The following IFT74 variants were observed in gnomAD, a reference collection of about 807,000 sequenced individuals.
IFT74 encodes the protein intraflagellar transport 74, also known as intraflagellar transport protein 74 homolog.
In IFT74, 92 loss-of-function variants were observed where a neutral mutation model predicts 96.7. The observed-to-expected ratio is 0.95, with a 90% CI of 0.80 to 1.13. The LOEUF (loss-of-function observed/expected upper bound fraction) is 1.13. Among genes scored for constraint, IFT74 ranks in the 50% most tolerant of loss-of-function variants. The pLI, the probability that IFT74 is intolerant of heterozygous loss-of-function variation, is 0.00. For missense variants in IFT74, 811 were observed against 698.2 expected, an observed-to-expected ratio of 1.16 and a Z score of -1.82; for synonymous variants, 223 against 213.2, an observed-to-expected ratio of 1.05 and a Z score of -0.40.
chr9:26,989,602 CT>C (rs1363505752), intron 7 of IFT74, among the ~76,000 whole-genome samples: 1 of 152,020 alleles, frequency 6.6e-6, no homozygotes, highest in Non-Finnish European at 1.5e-5. Context: ...TTACTTTTAG[CT>C]TTAGAACACA....
In IFT74 at chr9:26,998,212, AT is replaced by A. The variant is rs575764239; in HGVS notation, c.587+8024del. On this transcript the variant is annotated intron_variant, in intron 8 of 19. Coordinates refer to ENST00000380062, the MANE Select transcript of IFT74 (RefSeq NM_025103.4). ...TGATATCTGCTGGAATCAAGGTATA[AT>A]TTTTTTCAGTAAAATTACATTGGAC... 1,968 of 1,500,720 alleles carry A rather than the reference AT, an allele frequency of 1.3e-3. 4 individuals are homozygous for A. The highest frequency in any genetic ancestry group is 1.5e-3 in the Non-Finnish European group (1,693 of 1,117,506). The allele number at this position is 1,500,720 out of a possible 1,614,324, so 93.0% of individuals were successfully genotyped here.
chr9:27,008,425 T>C (rs1002098577), intron 8 of IFT74, among the ~76,000 whole-genome samples: 1 of 152,012 alleles, frequency 6.6e-6, no homozygotes, highest in African/African-American at 2.4e-5. Flanking sequence ...TGGCGCGATC[T>C]CAGCCCACTG....
chr9:27,042,850 A>G (rs1243648658), intron 13 of IFT74, among the ~76,000 whole-genome samples: 1 of 152,152 alleles, frequency 6.6e-6, no homozygotes, highest in Non-Finnish European at 1.5e-5. Context: ...ATTTATATGC[A>G]CATCTTCCTC....
intron 13 of IFT74, among the ~76,000 whole-genome samples, chr9:27,034,818 C>T (rs1346573878): frequency 6.6e-6 from 1 of 152,230 alleles, no homozygotes; most frequent in Non-Finnish European, 1.5e-5. Context: ...GCGTGAGCCA[C>T]CACGCCTGGC....
At chr9:27,004,703 A>AT (rs1167531796) in intron 8 of IFT74, among the ~76,000 whole-genome samples, 5 of 152,168 alleles carry the variant, frequency 3.3e-5, no homozygotes, top group South Asian at 2.1e-4. Flanking sequence ...TCTAATTTGG[A>AT]TTTTTTTTGA....
chr9:26,948,794 A>G (rs575845862), intron 1 of IFT74, among the ~76,000 whole-genome samples: 165 of 152,146 alleles, frequency 1.1e-3, no homozygotes, highest in African/African-American at 3.8e-3. Context: ...AGCATTACAT[A>G]GGGCCTTTCA....
Position 26,992,008 on chromosome 9 carries a change from G to A in IFT74, c.587+1813G>A, listed in dbSNP as rs1004368484. On this transcript the variant is annotated intron_variant, in intron 8 of 19. Transcript: ENST00000380062. ...CGCGCCATCGTGCCACTGCACTCCA[G>A]CCTGGTGACAGAGCGAGACTCCGTC... is the stretch of plus-strand genomic sequence containing the variant. Among the ~76,000 whole-genome samples the A allele has an allele frequency of 2.6e-5, 4 of 151,564 alleles. No homozygotes were observed. The South Asian group carries it at 6.2e-4, about 24-fold the overall frequency.
At chr9:27,025,381 T>TGCA (rs992029734) in intron 12 of IFT74, among the ~76,000 whole-genome samples, 3 of 145,458 alleles carry the variant, frequency 2.1e-5, no homozygotes, top group African/African-American at 7.7e-5. Context: ...AGGTGGAGGT[T>TGCA]GCAGTGAGCT....
At chr9:27,052,376 T>G (rs961290480) in intron 16 of IFT74, among the ~76,000 whole-genome samples, 7 of 151,830 alleles carry the variant, frequency 4.6e-5, no homozygotes, top group Admixed American at 4.6e-4. Context: ...TGTGTGGTGG[T>G]GCAAGCCTGT....
intron 13 of IFT74, among the ~76,000 whole-genome samples, chr9:27,038,877 T>A (rs1819336627): frequency 6.6e-6 from 1 of 152,188 alleles, no homozygotes; most frequent in African/African-American, 2.4e-5. Flanking sequence ...GCAACATGCC[T>A]ACAAGCACTG....
chr9:27,035,683 G>A (rs1027189446), intron 13 of IFT74, among the ~76,000 whole-genome samples: 2 of 152,112 alleles, frequency 1.3e-5, no homozygotes, highest in African/African-American at 4.8e-5. Flanking sequence ...TATACTGTAT[G>A]ATTTTATATA....
At chr9:26,963,688 C>T (rs12002668) in intron 2 of IFT74, among the ~76,000 whole-genome samples, 12,767 of 152,010 alleles carry the variant, frequency 0.084, 858 homozygotes, top group African/African-American at 0.19. Context: ...GTGGTTTTGA[C>T]TTGCATTTCT....
At chr9:27,049,375 T>C (rs898264200) in intron 16 of IFT74, among the ~76,000 whole-genome samples, 8 of 152,184 alleles carry the variant, frequency 5.3e-5, no homozygotes, top group Middle Eastern at 3.2e-3. Flanking sequence ...GAATAAATAG[T>C]ACATTCTTTC....
intron 2 of IFT74, among the ~76,000 whole-genome samples, chr9:26,968,419 G>A (rs971532837): frequency 6.6e-5 from 10 of 152,098 alleles, no homozygotes; most frequent in South Asian, 4.1e-4. Context: ...GTGCTACCAC[G>A]TCTGGCTAAT....
At chr9:27,030,215 A>G (rs1453308609) in intron 13 of IFT74, among the ~76,000 whole-genome samples, 1 of 152,150 alleles carries the variant, frequency 6.6e-6, no homozygotes, top group African/African-American at 2.4e-5. Context: ...TGAGTTAGGT[A>G]TGGTATAAAC....
In IFT74 at chr9:26,962,191, C is replaced by G. The variant is rs532832935; in HGVS notation, c.120+104C>G. ...TGAACTCTGATCATGCCACTGCACC[C>G]CAGTTTTTGAGTTTTTGAGACTGTC... On this transcript the variant is annotated intron_variant, in intron 2 of 19. Transcript: ENST00000380062. The G allele has an allele frequency of 3.6e-6, 4 of 1,117,170 alleles. No homozygotes were observed. The South Asian group carries it at 6.2e-5, about 17-fold the overall frequency. The allele number at this position is 1,117,170 out of a possible 1,614,324, so 69.2% of individuals were successfully genotyped here.
intron 16 of IFT74, among the ~76,000 whole-genome samples, chr9:27,053,998 T>C (rs924529897): frequency 2.6e-5 from 4 of 152,228 alleles, no homozygotes; most frequent in African/African-American, 9.6e-5. Context: ...TACGTGTACA[T>C]ACACATATAT....
At chr9:26,987,929 T>C (rs1001766313) in intron 6 of IFT74, among the ~76,000 whole-genome samples, 4 of 152,096 alleles carry the variant, frequency 2.6e-5, no homozygotes, top group Non-Finnish European at 4.4e-5. Flanking sequence ...TTTTTACTAG[T>C]GTAAATTTGT....
intron 2 of IFT74, among the ~76,000 whole-genome samples, chr9:26,975,028 A>G (rs532570097): frequency 6.6e-6 from 1 of 152,192 alleles, no homozygotes; most frequent in Non-Finnish European, 1.5e-5. Flanking sequence ...GGGGTACTTA[A>G]TAGGCTGGGA....
Sources: allele counts gnomAD v4.1 joint callset (sites outside exome capture counted in the v4.1 genomes callset), GRCh38; gene constraint gnomAD v4.1.1; transcripts MANE v1.5; gene names NCBI Gene and HGNC (gene_info 2026-07-23, HGNC 2026-07-21).